Variants in DIP2C observed in about 807,000 individuals in gnomAD.
The protein encoded by DIP2C is disco-interacting protein 2 homolog C.
In DIP2C, 33 loss-of-function variants were observed where a neutral mutation model predicts 192.4. The ratio of observed to expected loss-of-function variants is 0.17; its 90% confidence interval spans 0.13 to 0.23. DIP2C has a LOEUF of 0.23. Among genes scored for constraint, DIP2C ranks in the 10% least tolerant of loss-of-function variants. DIP2C has a pLI of 1.00. For missense variants in DIP2C, 1,537 were observed against 2,110.1 expected, an observed-to-expected ratio of 0.73 and a Z score of 5.32; for synonymous variants, 979 against 864.1, an observed-to-expected ratio of 1.13 and a Z score of -2.33.
At chr10:482,031 G>A (rs546519871) in intron 2 of DIP2C, among the ~76,000 whole-genome samples, 1 of 152,336 alleles carries the variant, frequency 6.6e-6, no homozygotes, top group Admixed American at 6.5e-5. Flanking sequence ...TTCAGAGACA[G>A]GACGACATGG....
rs11253300 is a variant in DIP2C at position 649,260 on chromosome 10, A to G, written c.85+40234T>C. On this transcript the variant is annotated intron_variant, in intron 1 of 36. Transcript: ENST00000280886. Reference sequence around the variant, plus strand: ...ATTTGATGGTGGGCGAGAACAGAGGAAAACTGAGTCCACGTCAACATTTGA... The same window carrying G: ...ATTTGATGGTGGGCGAGAACAGAGGGAAACTGAGTCCACGTCAACATTTGA... Among the ~76,000 whole-genome samples, 8 of 131,558 alleles carry G rather than the reference A, an allele frequency of 6.1e-5. No homozygotes were observed. In the South Asian group the frequency reaches 1.0e-3, roughly 17 times the overall value. The allele number at this position is 131,558 out of a possible 152,430, so 86.3% of individuals were successfully genotyped here.
intron 1 of DIP2C, among the ~76,000 whole-genome samples, chr10:499,542 G>A (rs1035497162): frequency 6.6e-6 from 1 of 152,174 alleles, no homozygotes; most frequent in Non-Finnish European, 1.5e-5. Flanking sequence ...GCGAGGGGGA[G>A]GACAGGACCT....
intron 31 of DIP2C, 137 bp from the exon 32 acceptor site, chr10:310,229 C>T (rs2132322025): frequency 1.3e-6 from 1 of 752,234 alleles, no homozygotes; most frequent in South Asian, 1.8e-5. Flanking sequence ...GACCAGCAAC[C>T]TCTCAAGGCA....
intron 1 of DIP2C, among the ~76,000 whole-genome samples, chr10:580,124 A>G (rs532065527): frequency 6.6e-6 from 1 of 152,306 alleles, no homozygotes; most frequent in Non-Finnish European, 1.5e-5. Context: ...TAACATCTAT[A>G]TACATGCATA....
chr10:628,556 C>G (rs1325451973), intron 1 of DIP2C: 2 of 152,280 alleles, frequency 1.3e-5, no homozygotes, highest in Non-Finnish European at 2.9e-5. Flanking sequence ...GATGGGCCTG[C>G]GGGGACATGG....
intron 1 of DIP2C, among the ~76,000 whole-genome samples, chr10:573,716 TC>T (rs1201909949): frequency 6.6e-6 from 1 of 152,150 alleles, no homozygotes; most frequent in Non-Finnish European, 1.5e-5. Flanking sequence ...GCTTTTTTTT[TC>T]CTCTTTTCTT....
chr10:408,356 A>G (rs1430741708), intron 9 of DIP2C, among the ~76,000 whole-genome samples: 2 of 152,100 alleles, frequency 1.3e-5, no homozygotes, highest in Non-Finnish European at 1.5e-5. Flanking sequence ...TTTGTAGTAA[A>G]TTTTACGATC....
chr10:536,070 T>C (rs529522017), intron 1 of DIP2C, among the ~76,000 whole-genome samples: 14 of 152,252 alleles, frequency 9.2e-5, no homozygotes, highest in African/African-American at 3.1e-4. Context: ...ATAAATTGAT[T>C]CTCTCCCAGT....
intron 3 of DIP2C, among the ~76,000 whole-genome samples, chr10:471,176 A>C (rs1364830762): frequency 1.3e-5 from 2 of 152,180 alleles, no homozygotes; most frequent in Admixed American, 1.3e-4. Flanking sequence ...TCCTTGGAGA[A>C]GGCAGCAGGG....
intron 2 of DIP2C, among the ~76,000 whole-genome samples, chr10:474,569 G>A (rs368429480): frequency 1.3e-5 from 2 of 151,778 alleles, no homozygotes; most frequent in Non-Finnish European, 2.9e-5. Context: ...GGCTGTGGCT[G>A]CTGTGTTGGT....
intron 1 of DIP2C, among the ~76,000 whole-genome samples, chr10:541,874 G>GC (rs1213030911): frequency 1.3e-5 from 2 of 152,022 alleles, no homozygotes; most frequent in African/African-American, 2.4e-5. Context: ...CTGTCTCTCG[G>GC]CCCCCCTCAC....
At chr10:677,557 C>T (rs528230057) in intron 1 of DIP2C, among the ~76,000 whole-genome samples, 1 of 152,338 alleles carries the variant, frequency 6.6e-6, no homozygotes, top group Non-Finnish European at 1.5e-5. Flanking sequence ...GGACACTCCA[C>T]CTTGTTCCTT....
intron 28 of DIP2C, among the ~76,000 whole-genome samples, chr10:342,114 T>A (rs1017038447): frequency 2.6e-5 from 4 of 152,066 alleles, no homozygotes; most frequent in African/African-American, 9.7e-5. Context: ...ATAGTGCGTT[T>A]GAACAGCAAG....
chr10:336,195 G>T (rs560389678), intron 29 of DIP2C, among the ~76,000 whole-genome samples: 1 of 152,166 alleles, frequency 6.6e-6, no homozygotes, highest in Admixed American at 6.5e-5. Flanking sequence ...ATGGCAAGAC[G>T]CCATCTCTAA....
At chr10:304,771 TCA>T (rs1156380492) in intron 32 of DIP2C, among the ~76,000 whole-genome samples, 14 of 150,602 alleles carry the variant, frequency 9.3e-5, no homozygotes, top group South Asian at 4.2e-4. Flanking sequence ...TACACTACAC[TCA>T]CACATGCAAA....
At chr10:344,684 T>C in intron 28 of DIP2C, 125 bp downstream of exon 28, 3 of 761,024 alleles carry the variant, frequency 3.9e-6, no homozygotes, top group South Asian at 3.4e-5. Flanking sequence ...GAAACACGTA[T>C]GTATACCTCT....
chr10:635,705 G>A (rs562259040), intron 1 of DIP2C, among the ~76,000 whole-genome samples: 21 of 152,362 alleles, frequency 1.4e-4, no homozygotes, highest in South Asian at 6.2e-4. Context: ...CGGGGAAGGC[G>A]GGAAATTGCC....
At chr10:420,277 T>C (rs541332530) in intron 5 of DIP2C, among the ~76,000 whole-genome samples, 4 of 152,346 alleles carry the variant, frequency 2.6e-5, no homozygotes, top group East Asian at 1.9e-4. Context: ...GGACGCTGCT[T>C]TGTGATCTGA....
intron 1 of DIP2C, among the ~76,000 whole-genome samples, chr10:581,128 C>T (rs1168586561): frequency 1.3e-5 from 2 of 152,148 alleles, no homozygotes; most frequent in East Asian, 3.8e-4. Flanking sequence ...AATCCAACAC[C>T]AAAGTAGGAT....
Sources: allele counts gnomAD v4.1 joint callset (sites outside exome capture counted in the v4.1 genomes callset), GRCh38; gene constraint gnomAD v4.1.1; transcripts MANE v1.5; gene names NCBI Gene and HGNC (gene_info 2026-07-23, HGNC 2026-07-21).